CHFR: variants seen among roughly 807,000 people sequenced by gnomAD.
The protein encoded by CHFR is E3 ubiquitin-protein ligase CHFR.
A neutral mutation model predicts 87.6 loss-of-function variants in CHFR; 57 were observed. The observed-to-expected ratio is 0.65, with a 90% CI of 0.53 to 0.81. The LOEUF is 0.81. Ranked by LOEUF, CHFR falls within the 30% of genes least tolerant of loss-of-function variation. The pLI, the probability that CHFR is intolerant of heterozygous loss-of-function variation, is 0.00. For synonymous variants in CHFR, 381 were observed against 359.2 expected (o/e 1.06, Z -0.69); for missense variants, 797 against 865.8 (o/e 0.92, Z 1.00).
intron 14 of CHFR, chr12:132,847,652 C>A: frequency 9.2e-7 from 1 of 1,082,676 alleles, no homozygotes; most frequent in Non-Finnish European, 1.1e-6. Flanking sequence ...AGGGCGAATG[C>A]GCATGTTAAA....
In CHFR at chr12:132,872,186, T is replaced by C. The variant is rs1951505122; in HGVS notation, c.343+99A>G. Reference sequence around the variant, plus strand: ...AAATGGGGTGTAGCCAGGAGGAACGTTCCTATGGGAAGGGATGTAGCCAGG... The same window carrying C: ...AAATGGGGTGTAGCCAGGAGGAACGCTCCTATGGGAAGGGATGTAGCCAGG... On this transcript the variant is annotated intron_variant, in intron 4 of 17. Transcript: ENST00000450056. 4.0e-6 allele frequency: 3 copies of C among 746,158 alleles called. No individual in the cohort carries two copies. In the South Asian group the frequency reaches 4.6e-5, roughly 12 times the overall value. 46.2% of individuals were successfully genotyped at this position (746,158 alleles called of 1,614,324 possible).
intron 7 of CHFR, 65 bp downstream of exon 7, chr12:132,861,402 C>T: frequency 6.5e-7 from 1 of 1,535,582 alleles, no homozygotes; most frequent in Non-Finnish European, 8.9e-7. Context: ...CGGAGCATGG[C>T]AGCGGCCCCC....
At chr12:132,847,602 C>A (rs559117503) in intron 14 of CHFR, 22 of 1,070,932 alleles carry the variant, frequency 2.1e-5, no homozygotes, top group Non-Finnish European at 2.4e-5. Context: ...AGCCTCAAGG[C>A]CCCACCATTG....
intron 6 of CHFR, chr12:132,866,716 A>G (rs1486827910): frequency 6.6e-6 from 1 of 152,276 alleles, no homozygotes; most frequent in East Asian, 1.9e-4. Context: ...GTTACAACAC[A>G]TTGGAATGTT....
intron 9 of CHFR, 118 bp from the exon 10 acceptor site, chr12:132,856,748 G>A (rs1035965946): frequency 2.1e-5 from 23 of 1,111,258 alleles, no homozygotes; most frequent in Middle Eastern, 5.1e-4. Context: ...TGGGCGGACC[G>A]CCCTCACGTG....
intron 7 of CHFR, among the ~76,000 whole-genome samples, chr12:132,860,895 G>C (rs1427741053): frequency 6.6e-6 from 1 of 152,150 alleles, no homozygotes; most frequent in African/African-American, 2.4e-5. Flanking sequence ...TGGGATTACA[G>C]GCATGCACCA....
intron 12 of CHFR, among the ~76,000 whole-genome samples, chr12:132,850,417 C>A (rs886507589): frequency 2.0e-5 from 3 of 151,996 alleles, no homozygotes; most frequent in African/African-American, 7.3e-5. Context: ...AAAGCTGGGC[C>A]GAGCTGCCAT....
intron 3 of CHFR, among the ~76,000 whole-genome samples, 192 bp downstream of exon 3, chr12:132,877,363 C>T (rs1382601390): frequency 1.3e-5 from 2 of 152,288 alleles, no homozygotes; most frequent in Admixed American, 1.3e-4. Flanking sequence ...ATCAAATTGT[C>T]TGACACATTT....
intron 8 of CHFR, among the ~76,000 whole-genome samples, chr12:132,858,210 A>G (rs1411432733): frequency 6.6e-6 from 1 of 152,118 alleles, no homozygotes; most frequent in Non-Finnish European, 1.5e-5. Context: ...ATACAAAAAA[A>G]TTAGCCAGAT....
At chr12:132,882,202 C>T (rs955684804) in intron 2 of CHFR, among the ~76,000 whole-genome samples, 2 of 152,190 alleles carry the variant, frequency 1.3e-5, no homozygotes, top group Admixed American at 1.3e-4. Context: ...CAGAACACTA[C>T]CCGGTAACAG....
chr12:132,843,722 T>A (rs1950749485), intron 16 of CHFR, among the ~76,000 whole-genome samples: 1 of 151,864 alleles, frequency 6.6e-6, no homozygotes, highest in South Asian at 2.1e-4. Flanking sequence ...ATCCTAGCAC[T>A]TTGGGAGGCC....
chr12:132,875,615 C>T (rs1030111475), intron 3 of CHFR, among the ~76,000 whole-genome samples: 8 of 152,092 alleles, frequency 5.3e-5, no homozygotes, highest in Non-Finnish European at 1.2e-4. Context: ...CAGAGCGAGA[C>T]TCCGTCTCAA....
At chr12:132,871,118 CAT>C (rs1281482924) in intron 4 of CHFR, among the ~76,000 whole-genome samples, 1 of 152,244 alleles carries the variant, frequency 6.6e-6, no homozygotes, top group East Asian at 1.9e-4. Flanking sequence ...ATGCCTAAGA[CAT>C]ATTTGCCCCA....
intron 9 of CHFR, 42 bp from the exon 10 acceptor site, chr12:132,856,672 C>CA: frequency 6.2e-7 from 1 of 1,601,072 alleles, no homozygotes; most frequent in Non-Finnish European, 8.5e-7. Context: ...GGCAGTGAGA[C>CA]ATGGCAGGCA....
At chr12:132,869,520 A>T in intron 6 of CHFR, 99 bp downstream of exon 6, 2 of 1,077,464 alleles carry the variant, frequency 1.9e-6, no homozygotes, top group Non-Finnish European at 1.4e-6. Context: ...ACCTCATGCC[A>T]GTCCTCAGTC....
chr12:132,861,621 A>G lies in CHFR; in HGVS notation c.597T>C (p.Gly199=). 6.2e-7 allele frequency: 1 copy of G among 1,614,130 alleles called. No homozygotes were observed. Among genetic ancestry groups the G allele is most frequent in the East Asian group, 2.2e-5 (1 of 44,876 alleles). Reference sequence around the variant, plus strand: ...GACCACTTCCTTTAGGGGAGATGCCACCACCCCCAGACCCTGTGAGAGGAA... The same window carrying G: ...GACCACTTCCTTTAGGGGAGATGCCGCCACCCCCAGACCCTGTGAGAGGAA... ...ERSSSCGSGG[G]GISPKGSGPS... Residue 199 remains glycine, a synonymous_variant, in exon 7 of 18, where the codon GGT becomes GGC. Coordinates refer to ENST00000450056, the MANE Select transcript of CHFR (RefSeq NM_001161346.2).
intron 6 of CHFR, among the ~76,000 whole-genome samples, chr12:132,863,406 T>A (rs920624379): frequency 6.6e-6 from 1 of 151,916 alleles, no homozygotes; most frequent in Non-Finnish European, 1.5e-5. Flanking sequence ...CTTGGGAGGC[T>A]GAGGCAGGAG....
At chr12:132,859,272 A>G (rs1244776808) in intron 7 of CHFR, 45 bp from the exon 8 acceptor site, 1 of 1,571,140 alleles carries the variant, frequency 6.4e-7, no homozygotes. Flanking sequence ...AGAAGGAAAT[A>G]CACGCAGGTT....
intron 3 of CHFR, among the ~76,000 whole-genome samples, chr12:132,875,009 G>A (rs1024981874): frequency 3.3e-5 from 5 of 150,508 alleles, no homozygotes; most frequent in Non-Finnish European, 5.9e-5. Context: ...CACCCAGCGT[G>A]GAGAAGCCAG....
Sources: allele counts gnomAD v4.1 joint callset (sites outside exome capture counted in the v4.1 genomes callset), GRCh38; gene constraint gnomAD v4.1.1; transcripts MANE v1.5; gene names NCBI Gene and HGNC (gene_info 2026-07-23, HGNC 2026-07-21).